Variants in CROCC observed in about 807,000 individuals in gnomAD.
The protein encoded by CROCC is rootletin.
CROCC carries 180 observed loss-of-function variants against 245.2 expected under a neutral mutation model. The observed-to-expected ratio is 0.73, with a 90% CI of 0.65 to 0.83. The LOEUF is 0.83. CROCC is among the 40% of genes least tolerant of loss of function. The pLI, the probability that CROCC is intolerant of heterozygous loss-of-function variation, is 0.00. For synonymous variants in CROCC, 1,205 were observed against 1,241.6 expected (o/e 0.97, Z 0.62); for missense variants, 2,688 against 2,779.4 (o/e 0.97, Z 0.74).
intron 25 of CROCC, among the ~76,000 whole-genome samples, chr1:16,958,161 A>G (rs2076276745): frequency 6.6e-6 from 1 of 152,210 alleles, no homozygotes; most frequent in African/African-American, 2.4e-5. Flanking sequence ...TACCTACCTC[A>G]TATAGCATTG....
chr1:16,916,242 G>T (rs1473485036), intron 1 of CROCC, among the ~76,000 whole-genome samples: 8 of 152,248 alleles, frequency 5.3e-5, no homozygotes, highest in Non-Finnish European at 1.0e-4. Flanking sequence ...AGTGGAGTGG[G>T]GCCAGATCTG....
chr1:16,952,991 A>G (rs2076187771), intron 20 of CROCC: 1 of 322,958 alleles, frequency 3.1e-6, no homozygotes, highest in East Asian at 5.9e-5. Context: ...TGCACCCTGC[A>G]TCCTCTAGGC....
At position 16,972,821 on chromosome 1, in the gene CROCC, G is replaced by A. The variant is rs955939282; in HGVS notation, c.*375G>A. 21 of 171,212 alleles carry A rather than the reference G, an allele frequency of 1.2e-4. No homozygotes were observed. The highest frequency in any genetic ancestry group is 2.0e-4 in the Non-Finnish European group (16 of 81,240). 10.6% of individuals were successfully genotyped at this position (171,212 alleles called of 1,614,324 possible). On this transcript the variant is annotated 3_prime_UTR_variant, in exon 37 of 37. Coordinates refer to ENST00000375541, the MANE Select transcript of CROCC (RefSeq NM_014675.5). ...GGTCAGAGGCCCAGGCCCTGACTTC[G>A]GCTTCCCAGAGATCTCTCCGCCTTA...
chr1:16,923,674 C>CTTTTTTTTTT (rs61063425), intron 2 of CROCC, among the ~76,000 whole-genome samples: 273 of 103,546 alleles, frequency 2.6e-3, no homozygotes, highest in African/African-American at 9.4e-3. Flanking sequence ...ACTATTCTAC[C>CTTTTTTTTTT]TTTTTTTTTT....
Position 16,972,546 on chromosome 1 carries a change from C to G in CROCC, c.*100C>G. 3.8e-6 allele frequency: 3 copies of G among 783,902 alleles called. No individual in the cohort carries two copies. Among genetic ancestry groups the G allele is most frequent in the Non-Finnish European group, 6.0e-6 (3 of 503,850 alleles). 48.6% of individuals were successfully genotyped at this position (783,902 alleles called of 1,614,324 possible). On this transcript the variant is annotated 3_prime_UTR_variant, in exon 37 of 37. Coordinates refer to ENST00000375541, the MANE Select transcript of CROCC (RefSeq NM_014675.5). ...CCAGAGCCCGGTCCCTTGGGGGCCT[C>G]AAGCTGGGGTGGGATGAGGAGGCGC...
chr1:16,920,560 G>C (rs1274665823), upstream of CROCC, among the ~76,000 whole-genome samples: 4 of 152,242 alleles, frequency 2.6e-5, no homozygotes, highest in African/African-American at 9.6e-5. Context: ...AGGTCTTACT[G>C]TCTTGAACAC....
chr1:16,936,969 G>A (rs1379315162), intron 9 of CROCC, 96 bp downstream of exon 9: 3 of 1,275,936 alleles, frequency 2.4e-6, no homozygotes, highest in African/African-American at 1.4e-5. Flanking sequence ...CTAGGGGAAG[G>A]GCCTTCCTCT....
chr1:16,939,840 T>C, intron 12 of CROCC, 54 bp from the exon 13 acceptor site: 2 of 1,554,780 alleles, frequency 1.3e-6, no homozygotes, highest in Non-Finnish European at 1.8e-6. Flanking sequence ...AGAGAGTAGG[T>C]GGCTCTGGAG....
chr1:16,935,059 C>T (rs1212040920), intron 8 of CROCC, among the ~76,000 whole-genome samples: 1 of 152,228 alleles, frequency 6.6e-6, no homozygotes, highest in East Asian at 1.9e-4. Flanking sequence ...GCCACCACAC[C>T]CCGCTAAGTT....
chr1:16,925,475 C>T (rs1570588430), intron 3 of CROCC, among the ~76,000 whole-genome samples: 1 of 152,276 alleles, frequency 6.6e-6, no homozygotes, highest in African/African-American at 2.4e-5. Context: ...TCTAAACTAA[C>T]CCAGTCTAGA....
intron 19 of CROCC, among the ~76,000 whole-genome samples, chr1:16,950,354 C>T (rs145996641): frequency 0.043 from 6,457 of 148,984 alleles, 197 homozygotes; most frequent in South Asian, 0.089. Context: ...TGAGCCACTG[C>T]GCCCGGCCTA....
At chr1:16,940,841 C>G in intron 13 of CROCC, 3 of 393,088 alleles carry the variant, frequency 7.6e-6, no homozygotes, top group Non-Finnish European at 1.5e-5. Context: ...ATCCTCCCAC[C>G]TCTACCTCCC....
intron 8 of CROCC, among the ~76,000 whole-genome samples, chr1:16,935,988 G>T (rs1352773858): frequency 3.3e-5 from 5 of 152,162 alleles, no homozygotes; most frequent in African/African-American, 9.7e-5. Context: ...CGTTGTGGTT[G>T]TATCACCCTC....
chr1:16,935,445 T>C (rs1264723348), intron 8 of CROCC, among the ~76,000 whole-genome samples: 1 of 152,080 alleles, frequency 6.6e-6, no homozygotes, highest in Non-Finnish European at 1.5e-5. Flanking sequence ...TTTTGAGACA[T>C]AGTCTCACTC....
chr1:16,947,711 C>G lies in CROCC; in HGVS notation c.2515-620C>G, dbSNP rs567505205. On this transcript the variant is annotated intron_variant, in intron 17 of 36. Transcript: ENST00000375541. ...TGCAGGTCTCCACCTTGAGGCCTGC[C>G]GAGCAGCTGCACTTGGGTCTGGTTT... 1.3e-4 allele frequency among the ~76,000 whole-genome samples: 20 copies of G among 152,288 alleles called. No homozygotes were observed. The East Asian group carries it at 3.1e-3, about 23-fold the overall frequency.
chr1:16,916,450 C>T (rs539623858), intron 1 of CROCC, among the ~76,000 whole-genome samples: 3 of 152,272 alleles, frequency 2.0e-5, no homozygotes, highest in South Asian at 2.1e-4. Context: ...TACACATCGG[C>T]GTCCTGGGGT....
upstream of CROCC, among the ~76,000 whole-genome samples, chr1:16,920,659 T>G (rs1444464705): frequency 6.6e-6 from 1 of 152,072 alleles, no homozygotes; most frequent in Non-Finnish European, 1.5e-5. Flanking sequence ...CTAGAGCACA[T>G]AGCCTCCTTG....
rs1415073355 is a variant in CROCC, at chr1:16,969,814, A to T, written c.5331A>T (p.Leu1777Phe). ...GGCTGGATGCCGCCCGGCAGGCATT[A>T]TCTGAGGCACGGAAGCAGAGCAGCT... ...QERLDAARQA[L>F]SEARKQSSSL... The change falls in exon 33 of 37, where the codon TTA (leucine) becomes TTT (phenylalanine). Residue 1777 changes from leucine to phenylalanine, a missense_variant. Coordinates refer to ENST00000375541, the MANE Select transcript of CROCC (RefSeq NM_014675.5). 1.2e-6 allele frequency: 2 copies of T among 1,613,112 alleles called. No homozygotes were observed. The highest frequency in any genetic ancestry group is 1.7e-6 in the Non-Finnish European group (2 of 1,179,696).
intron 8 of CROCC, among the ~76,000 whole-genome samples, chr1:16,934,856 C>T (rs1165056542): frequency 6.7e-6 from 1 of 148,648 alleles, no homozygotes. Context: ...TTTTTTTTGG[C>T]CACCAAGTTA....
Sources: allele counts gnomAD v4.1 joint callset (sites outside exome capture counted in the v4.1 genomes callset), GRCh38; gene constraint gnomAD v4.1.1; transcripts MANE v1.5; gene names NCBI Gene and HGNC (gene_info 2026-07-23, HGNC 2026-07-21).